PPP1R3B: variants seen among roughly 807,000 people sequenced by gnomAD.
PPP1R3B encodes the protein PP1 subunit R4.
A neutral mutation model predicts 14.6 loss-of-function variants in PPP1R3B; 8 were observed. That is an observed-to-expected ratio of 0.55 (90% CI 0.32 to 0.99). PPP1R3B has a LOEUF of 0.99. Among genes scored for constraint, PPP1R3B ranks in the 50% least tolerant of loss-of-function variants. PPP1R3B has a pLI of 0.04. For synonymous variants in PPP1R3B, 169 were observed against 142.0 expected, an observed-to-expected ratio of 1.19 and a Z score of -1.35; for missense variants, 452 against 360.1, an observed-to-expected ratio of 1.26 and a Z score of -2.07.
Position 9,137,205 on chromosome 8 carries a change from A to T in PPP1R3B, c.*3589T>A, listed in dbSNP as rs1563121827. The T allele has an allele frequency of 6.6e-6, 1 of 152,216 alleles. No individual in the cohort carries two copies. The highest frequency in any genetic ancestry group is 1.5e-5 in the Non-Finnish European group (1 of 68,042). 9.4% of individuals were successfully genotyped at this position (152,216 alleles called of 1,614,324 possible). A position where few individuals can be genotyped will look rare whatever the true frequency, so the allele number is the denominator to read the frequency against. On this transcript the variant is annotated 3_prime_UTR_variant, in exon 2 of 2. Coordinates refer to ENST00000310455, the MANE Select transcript of PPP1R3B (RefSeq NM_024607.4). ...ATAAAGAAACCCACTCAAATGCTTC[A>T]TGTCTTCCAATAGATACTGAAAGCT...
Position 9,141,151 on chromosome 8 carries a change from G to T in PPP1R3B, c.501C>A (p.Asp167Glu). Residue 167 changes from aspartate (D) to glutamate (E), a missense_variant, in exon 2 of 2, where the codon GAC (aspartate) becomes GAA (glutamate). Physicochemically the swap from Asp to Glu is conservative, Grantham distance 45. Coordinates refer to ENST00000310455, the MANE Select transcript of PPP1R3B (RefSeq NM_024607.4). ...EKTVKIRMTF[D>E]TWKSYTDFPC... The stretch of plus-strand genomic sequence containing the variant: ...GAAAGTCTGTGTAGCTCTTCCAGGT[G>T]TCGAACGTCATCCTTATTTTCACGG... 6.2e-7 allele frequency: 1 copy of T among 1,614,066 alleles called. No homozygotes were observed. The highest frequency in any genetic ancestry group is 1.3e-5 in the African/African-American group (1 of 74,996).
intron 1 of PPP1R3B, among the ~76,000 whole-genome samples, chr8:9,142,883 C>T (rs1463003932): frequency 1.3e-5 from 2 of 152,296 alleles, no homozygotes; most frequent in South Asian, 2.1e-4. Flanking sequence ...TGTTTATATA[C>T]CATGTTTTCT....
chr8:9,147,531 T>C (rs1459336098), intron 1 of PPP1R3B, among the ~76,000 whole-genome samples: 1 of 151,994 alleles, frequency 6.6e-6, no homozygotes, highest in Middle Eastern at 3.2e-3. Flanking sequence ...GGAAAAGCCT[T>C]GGAAACTCTC....
In PPP1R3B at chr8:9,141,727, A is replaced by T; in HGVS notation, c.-17-59T>A. On this transcript the variant is annotated intron_variant, in intron 1 of 1. Transcript: ENST00000310455. ...ACAGTGGAGCAATCAGATCAGACAGATGTGTAAAGGCATCATTCCAGCAGG... is the reference window on the plus strand; with the variant it reads ...ACAGTGGAGCAATCAGATCAGACAGTTGTGTAAAGGCATCATTCCAGCAGG... 4.0e-6 allele frequency: 6 copies of T among 1,490,768 alleles called. No individual in the cohort carries two copies. In the South Asian group the frequency reaches 6.3e-5, roughly 16 times the overall value. The allele number at this position is 1,490,768 out of a possible 1,614,324, so 92.3% of individuals were successfully genotyped here.
chr8:9,151,048 TAAAGGG>T (rs1801414212), upstream of PPP1R3B, among the ~76,000 whole-genome samples: 2 of 152,078 alleles, frequency 1.3e-5, no homozygotes, highest in Non-Finnish European at 2.9e-5. Flanking sequence ...CAACAGGTGG[TAAAGGG>T]ATCAGCCGCC....
chr8:9,141,710 G>A (rs1339432995), intron 1 of PPP1R3B, 42 bp from the exon 2 acceptor site: 10 of 1,563,026 alleles, frequency 6.4e-6, no homozygotes, highest in Non-Finnish European at 8.7e-6. Context: ...AAACAGTGGA[G>A]CAATCAGATC....
Position 9,139,893 on chromosome 8 carries a change from T to TA in PPP1R3B, c.*900dup, listed in dbSNP as rs1174409646. On this transcript the variant is annotated 3_prime_UTR_variant, in exon 2 of 2. Transcript: ENST00000310455. ...AATGAGACAAACCAGCCAAGCACGT[T>TA]AAAGTCATTGAGCTTTCGGGGGAAA... 6.6e-6 allele frequency: 1 copy of TA among 152,232 alleles called. No homozygotes were observed. Among genetic ancestry groups the TA allele is most frequent in the African/African-American group, 2.4e-5 (1 of 41,464 alleles). The allele number at this position is 152,232 out of a possible 1,614,324, so 9.4% of individuals were successfully genotyped here.
Position 9,138,629 on chromosome 8 carries a change from G to C in PPP1R3B, c.*2165C>G, listed in dbSNP as rs1010112144. ...TTTCAAATTAATCTGGAAAATCCAA[G>C]CACAAGACTCTTAGCTTGAAAAGCC... On this transcript the variant is annotated 3_prime_UTR_variant, in exon 2 of 2. Transcript: ENST00000310455. 2.6e-5 allele frequency: 4 copies of C among 152,150 alleles called. No individual in the cohort carries two copies. The highest frequency in any genetic ancestry group is 5.9e-5 in the Non-Finnish European group (4 of 68,030). 9.4% of individuals were successfully genotyped at this position (152,150 alleles called of 1,614,324 possible). A position where few individuals can be genotyped will look rare whatever the true frequency, so the allele number is the denominator to read the frequency against.
intron 1 of PPP1R3B, among the ~76,000 whole-genome samples, chr8:9,146,311 C>T (rs1216248566): frequency 6.6e-6 from 1 of 152,126 alleles, no homozygotes; most frequent in Non-Finnish European, 1.5e-5. Context: ...CCTATCTTAC[C>T]CCTCCTTATG....
Position 9,136,378 on chromosome 8 carries a change from A to C in PPP1R3B, c.*4416T>G, listed in dbSNP as rs1177495462. 3 of 152,226 alleles carry C rather than the reference A, an allele frequency of 2.0e-5. No homozygotes were observed. Among genetic ancestry groups the C allele is most frequent in the African/African-American group, 7.2e-5 (3 of 41,454 alleles). The allele number at this position is 152,226 out of a possible 1,614,324, so 9.4% of individuals were successfully genotyped here. ...ATTTCCCCTTGAACTCTGTGTACAA[A>C]AATATTTATCTTTTAAAACATGCAA... is the stretch of plus-strand genomic sequence containing the variant. On this transcript the variant is annotated 3_prime_UTR_variant, in exon 2 of 2. Coordinates refer to ENST00000310455, the MANE Select transcript of PPP1R3B (RefSeq NM_024607.4).
Position 9,138,831 on chromosome 8 carries a change from T to C in PPP1R3B, c.*1963A>G, listed in dbSNP as rs1449519417. On this transcript the variant is annotated 3_prime_UTR_variant, in exon 2 of 2. Coordinates refer to ENST00000310455, the MANE Select transcript of PPP1R3B (RefSeq NM_024607.4). The stretch of plus-strand genomic sequence containing the variant: ...AACCAACTTCCTACAAGTATACTTG[T>C]AAAAATATATTTTTAAAGCACCCCT... 1.3e-5 allele frequency: 2 copies of C among 152,238 alleles called. No homozygotes were observed. Among genetic ancestry groups the C allele is most frequent in the African/African-American group, 2.4e-5 (1 of 41,468 alleles). The allele number at this position is 152,238 out of a possible 1,614,324, so 9.4% of individuals were successfully genotyped here.
chr8:9,140,914 G>T lies in PPP1R3B; in HGVS notation c.738C>A (p.Pro246=). The change falls in exon 2 of 2, where the codon CCC becomes CCA. Residue 246 remains proline (P), a synonymous_variant. Transcript: ENST00000310455. ...ATATTCCCAAATCCGGTCCACTGTG[G>T]GGCTTGGTCATTCCCTGGGTAGATT... ...ELKSTQGMTK[P]HSGPDLGISF... 1 of 1,614,198 alleles carries T rather than the reference G, an allele frequency of 6.2e-7. No individual in the cohort carries two copies. Among genetic ancestry groups the T allele is most frequent in the South Asian group, 1.1e-5 (1 of 91,088 alleles).
chr8:9,148,219 G>C (rs865995226), intron 1 of PPP1R3B, among the ~76,000 whole-genome samples: 1 of 152,174 alleles, frequency 6.6e-6, no homozygotes, highest in Non-Finnish European at 1.5e-5. Context: ...TTCCTGAAAA[G>C]AAGGCACCTG....
Sources: allele counts gnomAD v4.1 joint callset (sites outside exome capture counted in the v4.1 genomes callset), GRCh38; gene constraint gnomAD v4.1.1; transcripts MANE v1.5; gene names NCBI Gene and HGNC (gene_info 2026-07-23, HGNC 2026-07-21).